The following LCLAT1 variants were observed in gnomAD, a reference collection of about 807,000 sequenced individuals.
The protein encoded by LCLAT1 is lysocardiolipin acyltransferase 1.
LCLAT1 carries 11 observed loss-of-function variants against 30.7 expected under a neutral mutation model. That is an observed-to-expected ratio of 0.36 (90% CI 0.23 to 0.59). LCLAT1 has a LOEUF of 0.59. Ranked by LOEUF, LCLAT1 falls within the 20% of genes least tolerant of loss-of-function variation. The pLI, the probability that LCLAT1 is intolerant of heterozygous loss-of-function variation, is 0.77. For synonymous variants in LCLAT1, 155 were observed against 151.3 expected (o/e 1.02, Z -0.18); for missense variants, 402 against 458.6 (o/e 0.88, Z 1.13).
chr2:30,470,322 A>G (rs578103012), intron 1 of LCLAT1, among the ~76,000 whole-genome samples: 10 of 152,342 alleles, frequency 6.6e-5, no homozygotes, highest in Middle Eastern at 3.4e-3. Context: ...TACAAAAAAG[A>G]CAAGTTAGAA....
chr2:30,586,887 C>G (rs1043001893), intron 5 of LCLAT1, among the ~76,000 whole-genome samples: 1 of 152,092 alleles, frequency 6.6e-6, no homozygotes, highest in Non-Finnish European at 1.5e-5. Flanking sequence ...TTATAACCCC[C>G]TCACCATGCA....
intron 5 of LCLAT1, among the ~76,000 whole-genome samples, chr2:30,568,505 CTTTTTTTT>C (rs35285466): frequency 2.3e-5 from 2 of 85,364 alleles, no homozygotes; most frequent in Non-Finnish European, 4.5e-5. Context: ...GTCTTTCTTT[CTTTTTTTT>C]TTTTTTTTTT....
chr2:30,538,129 A>G (rs1236921846), intron 3 of LCLAT1, among the ~76,000 whole-genome samples: 1 of 152,202 alleles, frequency 6.6e-6, no homozygotes, highest in Non-Finnish European at 1.5e-5. Context: ...AAAAAAGTAA[A>G]AAGATTTCAA....
At chr2:30,503,381 T>A (rs1038837288) in intron 1 of LCLAT1, among the ~76,000 whole-genome samples, 3 of 152,242 alleles carry the variant, frequency 2.0e-5, no homozygotes, top group Non-Finnish European at 4.4e-5. Flanking sequence ...TGTTTTCATT[T>A]CACTTGGATT....
intron 1 of LCLAT1, among the ~76,000 whole-genome samples, chr2:30,449,311 T>G (rs937849982): frequency 6.6e-6 from 1 of 152,224 alleles, no homozygotes; most frequent in Non-Finnish European, 1.5e-5. Flanking sequence ...TGTCCTAGAA[T>G]GAACACATAT....
At chr2:30,459,835 C>T in intron 1 of LCLAT1, 1 of 718,256 alleles carries the variant, frequency 1.4e-6, no homozygotes, top group Non-Finnish European at 2.4e-6. Context: ...GTATTGTTGA[C>T]ATGTTCTATG....
intron 1 of LCLAT1, among the ~76,000 whole-genome samples, chr2:30,461,558 G>A (rs1391227915): frequency 6.6e-6 from 1 of 151,910 alleles, no homozygotes; most frequent in Non-Finnish European, 1.5e-5. Context: ...ACCAGGCCTG[G>A]CCCAGGTCTG....
At position 30,459,522 on chromosome 2, in the gene LCLAT1, C is replaced by T. The variant is rs1267232507; in HGVS notation, c.-5+12139C>T. On this transcript the variant is annotated intron_variant, in intron 1 of 5. Transcript: ENST00000379509. The stretch of plus-strand genomic sequence containing the variant: ...GCACTGTTCCCAAACTCTGCTTTCT[C>T]TTTTTTTCTCCCATTTGTCCTGTTC... 1.6e-5 allele frequency: 14 copies of T among 879,956 alleles called. No homozygotes were observed. In the East Asian group the frequency reaches 3.1e-4, roughly 20 times the overall value. 54.5% of individuals were successfully genotyped at this position (879,956 alleles called of 1,614,324 possible). A position where few individuals can be genotyped will look rare whatever the true frequency, so the allele number is the denominator to read the frequency against.
intron 1 of LCLAT1, among the ~76,000 whole-genome samples, chr2:30,523,191 C>T (rs766656492): frequency 9.4e-5 from 14 of 149,296 alleles, no homozygotes; most frequent in African/African-American, 3.0e-4. Flanking sequence ...AGAGCAGCAG[C>T]GTTGCAGGAC....
At chr2:30,453,284 G>C (rs1234491419) in intron 1 of LCLAT1, among the ~76,000 whole-genome samples, 1 of 152,062 alleles carries the variant, frequency 6.6e-6, no homozygotes, top group Non-Finnish European at 1.5e-5. Flanking sequence ...GAGTGGTGGC[G>C]GCGGTTCTTC....
chr2:30,485,844 T>G (rs1418590452), intron 1 of LCLAT1, among the ~76,000 whole-genome samples: 1 of 152,330 alleles, frequency 6.6e-6, no homozygotes, highest in Non-Finnish European at 1.5e-5. Flanking sequence ...TTTAGCATGC[T>G]AATTTACTGC....
At chr2:30,583,953 T>G (rs1197866715) in intron 5 of LCLAT1, among the ~76,000 whole-genome samples, 1 of 152,148 alleles carries the variant, frequency 6.6e-6, no homozygotes, top group Non-Finnish European at 1.5e-5. Context: ...CGTGCAGGTT[T>G]GTTACTTAGG....
At chr2:30,612,887 A>C (rs1225025912) in intron 5 of LCLAT1, among the ~76,000 whole-genome samples, 1 of 152,190 alleles carries the variant, frequency 6.6e-6, no homozygotes, top group Non-Finnish European at 1.5e-5. Context: ...GAAGCAGCAC[A>C]GGAATACACC....
rs141252934 is a variant in LCLAT1 at position 30,465,122 on chromosome 2, A to G, written c.-5+17739A>G. ...AATGTTACCTTGTATGTTAAAAAAA[A>G]TGGTTTTTGTAATTAAATTGAGGAT... On this transcript the variant is annotated intron_variant, in intron 1 of 5. Coordinates refer to ENST00000379509, the MANE Select transcript of LCLAT1 (RefSeq NM_001002257.3). Among the ~76,000 whole-genome samples, 338 of 152,296 alleles carry G rather than the reference A, an allele frequency of 2.2e-3. 2 individuals are homozygous for G. The highest frequency in any genetic ancestry group is 7.7e-3 in the African/African-American group (322 of 41,560).
At chr2:30,560,141 G>A (rs1474598898) in intron 3 of LCLAT1, among the ~76,000 whole-genome samples, 1 of 152,156 alleles carries the variant, frequency 6.6e-6, no homozygotes, top group Non-Finnish European at 1.5e-5. Flanking sequence ...AATATTGGTG[G>A]ATGAGACTGA....
chr2:30,520,401 G>T (rs1294473054), intron 1 of LCLAT1, among the ~76,000 whole-genome samples: 1 of 152,178 alleles, frequency 6.6e-6, no homozygotes, highest in Admixed American at 6.5e-5. Flanking sequence ...AAAAATAGGT[G>T]TATATTTAAC....
At chr2:30,481,001 G>T (rs761883145) in intron 1 of LCLAT1, among the ~76,000 whole-genome samples, 56 of 152,154 alleles carry the variant, frequency 3.7e-4, no homozygotes, top group Non-Finnish European at 7.3e-5. Flanking sequence ...TTAAGTAGTG[G>T]TCAGCCTTAG....
intron 1 of LCLAT1, among the ~76,000 whole-genome samples, chr2:30,479,722 A>G (rs1224189736): frequency 6.6e-6 from 1 of 152,180 alleles, no homozygotes; most frequent in East Asian, 1.9e-4. Flanking sequence ...ACTTTGTAAA[A>G]AATTTATTAA....
At position 30,558,597 on chromosome 2, in the gene LCLAT1, C is replaced by CA. The variant is rs36075365; in HGVS notation, c.365-3528dup. On this transcript the variant is annotated intron_variant, in intron 3 of 5. Transcript: ENST00000379509. The stretch of plus-strand genomic sequence containing the variant: ...TGGGTGACAGAGCAAGACTTTGTCT[C>CA]AAAAAAAAAAAAAAAAAAAAAGGTG... 2.7e-3 allele frequency among the ~76,000 whole-genome samples: 228 copies of CA among 83,144 alleles called. 5 individuals are homozygous for CA. Among genetic ancestry groups the CA allele is most frequent in the African/African-American group, 5.6e-3 (124 of 22,336 alleles). 54.5% of individuals were successfully genotyped at this position (83,144 alleles called of 152,430 possible). A position where few individuals can be genotyped will look rare whatever the true frequency, so the allele number is the denominator to read the frequency against.
Sources: gnomAD v4.1 joint callset for allele counts (sites outside exome capture counted in the v4.1 genomes callset) on GRCh38, gnomAD v4.1.1 for gene constraint, MANE v1.5 for transcripts, NCBI Gene and HGNC (gene_info 2026-07-23, HGNC 2026-07-21) for gene names.